A1BG: variants seen among roughly 807,000 people sequenced by gnomAD.
A1BG encodes the protein alpha-1-B glycoprotein.
A neutral mutation model predicts 46.0 loss-of-function variants in A1BG; 44 were observed. That is an observed-to-expected ratio of 0.96 (90% CI 0.75 to 1.23). The LOEUF is 1.23. Ranked by LOEUF, A1BG falls within the 50% of genes most tolerant of loss-of-function variation. The pLI, the probability that A1BG is intolerant of heterozygous loss-of-function variation, is 0.00. For missense variants in A1BG, 707 were observed against 688.8 expected (o/e 1.03, Z -0.30); for synonymous variants, 316 against 314.7 (o/e 1.00, Z -0.04).
chr19:58,352,083 C>T (rs4801579), intron 4 of A1BG, 200 bp downstream of exon 4: 1,321,998 of 1,435,442 alleles, frequency 0.92, 614,401 homozygotes, highest in Non-Finnish European at 0.95. Flanking sequence ...CGTGAGCCAC[C>T]GCACCCGGCC....
chr19:58,353,311 T>C lies in A1BG; in HGVS notation c.51A>G (p.Pro17=). 6.2e-7 allele frequency: 1 copy of C among 1,613,022 alleles called. No homozygotes were observed. Among genetic ancestry groups the C allele is most frequent in the South Asian group, 1.1e-5 (1 of 91,014 alleles). The change falls in exon 2 of 8, where the codon CCA becomes CCG. Residue 17 remains proline (P), a synonymous_variant. Coordinates refer to ENST00000263100, the MANE Select transcript of A1BG (RefSeq NM_130786.4). ...FLLLWGVTWG[P]VTEAAIFYET... The stretch of plus-strand genomic sequence containing the variant: ...ACTCACATATGGCTGCTTCTGTCAC[T>C]GGGCCCCAGGTGACACCTGCGGAGA...
chr19:58,350,008 T>G, intron 6 of A1BG: 1 of 219,370 alleles, frequency 4.6e-6, no homozygotes, highest in Admixed American at 5.6e-5. Flanking sequence ...ACATCAGCCG[T>G]GCGCCTGCGG....
In A1BG at chr19:58,346,823, C is replaced by T; in HGVS notation, c.*199G>A. 1 of 707,446 alleles carries T rather than the reference C, an allele frequency of 1.4e-6. No individual in the cohort carries two copies. The highest frequency in any genetic ancestry group is 1.8e-5 in the African/African-American group (1 of 56,892). 43.8% of individuals were successfully genotyped at this position (707,446 alleles called of 1,614,324 possible). On this transcript the variant is annotated 3_prime_UTR_variant, in exon 8 of 8. Coordinates refer to ENST00000263100, the MANE Select transcript of A1BG (RefSeq NM_130786.4). ...CATCCACTTTGAGGACACGAGATCC[C>T]AGCCCACTCAGCCCTGGGAGTCCAA...
rs549697520 is a variant in A1BG, at chr19:58,347,907, G to A, written c.1193-267C>T. On this transcript the variant is annotated intron_variant, in intron 6 of 7. Coordinates refer to ENST00000263100, the MANE Select transcript of A1BG (RefSeq NM_130786.4). ...GTCCCAGATTCGGGCCTGCTCTGGGGCTTCTGGGGTCCCCAGCCTCGGTCA... is the reference window on the plus strand; with the variant it reads ...GTCCCAGATTCGGGCCTGCTCTGGGACTTCTGGGGTCCCCAGCCTCGGTCA... 2.2e-3 allele frequency: 685 copies of A among 304,890 alleles called. 8 individuals are homozygous for A. The highest frequency in any genetic ancestry group is 0.012 in the African/African-American group (569 of 46,142). 18.9% of individuals were successfully genotyped at this position (304,890 alleles called of 1,614,324 possible).
intron 4 of A1BG, 58 bp downstream of exon 4, chr19:58,352,225 G>A: frequency 1.3e-6 from 2 of 1,587,140 alleles, no homozygotes. Flanking sequence ...GATGAATGTG[G>A]TCATGCCCCC....
chr19:58,352,159 G>A lies in A1BG; in HGVS notation c.613+124C>T, dbSNP rs541435924. The A allele has an allele frequency of 5.6e-5, 85 of 1,514,792 alleles. No individual in the cohort carries two copies. In the African/African-American group the frequency reaches 9.4e-4, roughly 17 times the overall value. The allele number at this position is 1,514,792 out of a possible 1,614,324, so 93.8% of individuals were successfully genotyped here. On this transcript the variant is annotated intron_variant, in intron 4 of 7. Transcript: ENST00000263100. ...TTGCAACCATCAGACCCAGGCAACC[G>A]TGTGGCCAGCTTCCTGGACCTGGTC...
chr19:58,347,418 T>C lies in A1BG; in HGVS notation c.1415A>G (p.Tyr472Cys). 1 of 1,611,480 alleles carries C rather than the reference T, an allele frequency of 6.2e-7. No homozygotes were observed. The highest frequency in any genetic ancestry group is 8.5e-7 in the Non-Finnish European group (1 of 1,179,366). ...GAAGGTGTGGGGCACCCAGGAGCGG[T>C]AGCGGCACCTGTAGTTGCCGGCGTG... ...PQHAGNYRCR[Y>C]RSWVPHTFES... Residue 472 changes from tyrosine to cysteine, a missense_variant, in exon 7 of 8, where the codon TAC becomes TGC. By Grantham distance (194) the Tyr-to-Cys change is radical. Transcript: ENST00000263100.
At chr19:58,352,052 C>T in intron 4 of A1BG, 2 of 1,405,364 alleles carry the variant, frequency 1.4e-6, no homozygotes, top group Non-Finnish European at 1.9e-6. Flanking sequence ...CCTCAGCCTC[C>T]CAAAGTGCTG....
rs767149832 is a variant in A1BG at position 58,353,303 on chromosome 19, T to A, written c.59A>T (p.Glu20Val). The change falls in exon 2 of 8, where the codon GAA becomes GTA. Residue 20 changes from glutamate to valine, a missense_variant. Coordinates refer to ENST00000263100, the MANE Select transcript of A1BG (RefSeq NM_130786.4). ...LWGVTWGPVT[E>V]AAIFYETQPS... ...ACCCCTGCACTCACATATGGCTGCT[T>A]CTGTCACTGGGCCCCAGGTGACACC... is the stretch of plus-strand genomic sequence containing the variant. 5 of 1,613,446 alleles carry A rather than the reference T, an allele frequency of 3.1e-6. No individual in the cohort carries two copies. Among genetic ancestry groups the A allele is most frequent in the Non-Finnish European group, 3.4e-6 (4 of 1,179,778 alleles).
At chr19:58,349,103 C>A (rs2051935550) in intron 6 of A1BG, 1 of 151,798 alleles carries the variant, frequency 6.6e-6, no homozygotes. Context: ...ACTGCAAACT[C>A]CACCTCCCGG....
At position 58,352,331 on chromosome 19, in the gene A1BG, C is replaced by G. The variant is rs371240587; in HGVS notation, c.565G>C (p.Glu189Gln). 7 of 1,613,992 alleles carry G rather than the reference C, an allele frequency of 4.3e-6. No individual in the cohort carries two copies. In the African/African-American group the frequency reaches 9.3e-5, roughly 22 times the overall value. ...GCGCTGGGCTCAGAGAGGGCGCCTT[C>G]CCCATCGGTCCGGTAGCTGCAGCTG... is the stretch of plus-strand genomic sequence containing the variant. The part of the protein sequence containing the change: ...NYSCSYRTDG[E>Q]GALSEPSATV... The change falls in exon 4 of 8, where the codon GAA becomes CAA. Residue 189 changes from glutamate (E) to glutamine (Q), a missense_variant. By Grantham distance (29) the Glu-to-Gln change is conservative (BLOSUM62 2). Coordinates refer to ENST00000263100, the MANE Select transcript of A1BG (RefSeq NM_130786.4).
intron 6 of A1BG, chr19:58,350,129 C>A: frequency 2.0e-6 from 1 of 506,770 alleles, no homozygotes; most frequent in Non-Finnish European, 3.4e-6. Flanking sequence ...GCCAGCCTCC[C>A]TGCTGCCGAC....
intron 7 of A1BG, 150 bp from the exon 8 acceptor site, chr19:58,347,179 C>T: frequency 7.5e-7 from 1 of 1,338,842 alleles, no homozygotes; most frequent in Non-Finnish European, 1.0e-6. Context: ...CCTCCAGCTG[C>T]AGGGCCTTTG....
At chr19:58,350,891 GA>G (rs1378071759) in intron 5 of A1BG, 1 of 444,012 alleles carries the variant, frequency 2.3e-6, no homozygotes, top group Non-Finnish European at 3.9e-6. Context: ...GGGAAGCGGG[GA>G]CGGGGACATG....
chr19:58,353,314 G>A lies in A1BG; in HGVS notation c.48C>T (p.Gly16=). 6.2e-7 allele frequency: 1 copy of A among 1,612,786 alleles called. No homozygotes were observed. Among genetic ancestry groups the A allele is most frequent in the Middle Eastern group, 1.7e-4 (1 of 6,060 alleles). ...VFLLLWGVTW[G]PVTEAAIFYE... ...CACATATGGCTGCTTCTGTCACTGG[G>A]CCCCAGGTGACACCTGCGGAGACAG... Residue 16 remains glycine, a synonymous_variant, in exon 2 of 8, where the codon GGC becomes GGT. Coordinates refer to ENST00000263100, the MANE Select transcript of A1BG (RefSeq NM_130786.4).
chr19:58,350,242 G>A, intron 6 of A1BG, 128 bp downstream of exon 6: 2 of 1,217,110 alleles, frequency 1.6e-6, no homozygotes, highest in Non-Finnish European at 2.2e-6. Flanking sequence ...CCCCGCCGGG[G>A]TAGGCGATGG....
chr19:58,347,706 GGCCACA>G, intron 6 of A1BG, 66 bp from the exon 7 acceptor site: 1 of 1,204,942 alleles, frequency 8.3e-7, no homozygotes, highest in Non-Finnish European at 1.1e-6. Context: ...CCACACCCCA[GGCCACA>G]CCCCAGGCCG....
chr19:58,346,998 C>A lies in A1BG; in HGVS notation c.*24G>T. ...TCCCCGGCACTTCTGAGGACACCAA[C>A]AGCACCCTGGGCCCGCGGCTGCATC... On this transcript the variant is annotated 3_prime_UTR_variant, in exon 8 of 8. Coordinates refer to ENST00000263100, the MANE Select transcript of A1BG (RefSeq NM_130786.4). The A allele has an allele frequency of 6.2e-7, 1 of 1,614,100 alleles. No individual in the cohort carries two copies. Among genetic ancestry groups the A allele is most frequent in the Non-Finnish European group, 8.5e-7 (1 of 1,179,974 alleles).
rs1427445504 is a variant in A1BG, at chr19:58,346,234, G to GT, written c.*787dup. 1 of 152,980 alleles carries GT rather than the reference G, an allele frequency of 6.5e-6. No homozygotes were observed. Among genetic ancestry groups the GT allele is most frequent in the African/African-American group, 2.4e-5 (1 of 41,450 alleles). The allele number at this position is 152,980 out of a possible 1,614,324, so 9.5% of individuals were successfully genotyped here. On this transcript the variant is annotated 3_prime_UTR_variant, in exon 8 of 8. Transcript: ENST00000263100. ...GGGACCAGGCCGAGGTGCCCAGGGA[G>GT]TAAGAGGCAGCATCCTGGAAGAGCA...
Sources: gnomAD v4.1 joint callset for allele counts on GRCh38, gnomAD v4.1.1 for gene constraint, MANE v1.5 for transcripts, NCBI Gene and HGNC (gene_info 2026-07-23, HGNC 2026-07-21) for gene names.